The following PCDHA7 variants were observed in gnomAD, a reference collection of about 807,000 sequenced individuals.
The protein encoded by PCDHA7 is protocadherin alpha-7.
PCDHA7 carries 37 observed loss-of-function variants against 57.2 expected under a neutral mutation model. That is an observed-to-expected ratio of 0.65 (90% CI 0.50 to 0.85). The LOEUF (loss-of-function observed/expected upper bound fraction) is 0.85. Among genes scored for constraint, PCDHA7 ranks in the 40% least tolerant of loss-of-function variants. PCDHA7 has a pLI of 0.00. For missense variants in PCDHA7, 1,188 were observed against 1,241.8 expected (o/e 0.96, Z 0.65); for synonymous variants, 553 against 558.8 (o/e 0.99, Z 0.15).
At chr5:140,877,653 C>A in intron 1 of PCDHA7, 1 of 1,613,522 alleles carries the variant, frequency 6.2e-7, no homozygotes, top group Non-Finnish European at 8.5e-7. Flanking sequence ...CAGCGCCGCC[C>A]ACCGTGAGCC....
In PCDHA7 at chr5:140,851,944, C is replaced by G; in HGVS notation, c.2355+15206C>G. The G allele has an allele frequency of 1.7e-5, 16 of 969,410 alleles. 1 individual carries two copies. Among genetic ancestry groups the G allele is most frequent in the Non-Finnish European group, 2.0e-5 (16 of 802,504 alleles). The allele number at this position is 969,410 out of a possible 1,614,324, so 60.1% of individuals were successfully genotyped here. A position where few individuals can be genotyped will look rare whatever the true frequency, so the allele number is the denominator to read the frequency against. On this transcript the variant is annotated intron_variant, in intron 1 of 3. Transcript: ENST00000525929. ...ATGTTTCCTGAATTGTAGTATGTGA[C>G]TTTCAAAATGGTGGTTTTCCACACT...
chr5:141,002,039 C>G (rs1198304632), intron 3 of PCDHA7, among the ~76,000 whole-genome samples: 1 of 152,216 alleles, frequency 6.6e-6, no homozygotes, highest in Non-Finnish European at 1.5e-5. Flanking sequence ...TGACTCTTTC[C>G]TGGGCATCCA....
intron 1 of PCDHA7, chr5:140,863,340 G>T: frequency 7.4e-7 from 1 of 1,360,462 alleles, no homozygotes. Flanking sequence ...TCACGTTGCT[G>T]CTGTACACGA....
rs782301019 is a variant in PCDHA7 at position 140,876,753 on chromosome 5, G to T, written c.2355+40015G>T. On this transcript the variant is annotated intron_variant, in intron 1 of 3. Coordinates refer to ENST00000525929, the MANE Select transcript of PCDHA7 (RefSeq NM_018910.3). ...CGGCCTATGAGCTGGTGGTGACTGC[G>T]CGGGATGGGGGCTCGCCTTCGCTGT... is the stretch of plus-strand genomic sequence containing the variant. 1.1e-5 allele frequency: 17 copies of T among 1,614,128 alleles called. No homozygotes were observed. In the Admixed American group the frequency reaches 2.8e-4, roughly 27 times the overall value.
chr5:140,947,402 T>C (rs550043631), intron 1 of PCDHA7, among the ~76,000 whole-genome samples: 1 of 151,868 alleles, frequency 6.6e-6, no homozygotes, highest in East Asian at 1.9e-4. Context: ...AAGTAGACTG[T>C]CTTGATATTG....
rs782631166 is a variant in PCDHA7, at chr5:140,857,398, C to T, written c.2355+20660C>T. 1.3e-5 allele frequency: 21 copies of T among 1,598,542 alleles called. 2 individuals are homozygous for T. Among genetic ancestry groups the T allele is most frequent in the African/African-American group, 2.7e-5 (2 of 74,494 alleles). ...TGGAGGTGGCCGACGTGAACGACAA[C>T]GCGCCTGCGTTCGCGCAGTCCGAGT... On this transcript the variant is annotated intron_variant, in intron 1 of 3. Coordinates refer to ENST00000525929, the MANE Select transcript of PCDHA7 (RefSeq NM_018910.3).
chr5:140,970,854 T>TC (rs112843531), intron 1 of PCDHA7, among the ~76,000 whole-genome samples: 13,960 of 152,238 alleles, frequency 0.092, 852 homozygotes, highest in African/African-American at 0.17. Context: ...GCACAAAAGT[T>TC]CCATTCCTGA....
At chr5:140,889,946 C>T (rs1554184112) in intron 1 of PCDHA7, among the ~76,000 whole-genome samples, 1 of 152,114 alleles carries the variant, frequency 6.6e-6, no homozygotes, top group East Asian at 1.9e-4. Flanking sequence ...TGTGAGAAGC[C>T]AAATGGATAG....
At position 140,843,079 on chromosome 5, in the gene PCDHA7, C is replaced by T. The variant is rs2150351971; in HGVS notation, c.2355+6341C>T. On this transcript the variant is annotated intron_variant, in intron 1 of 3. Coordinates refer to ENST00000525929, the MANE Select transcript of PCDHA7 (RefSeq NM_018910.3). ...GCAAGCTGGTGCCGCGGTCTGTGGG[C>T]GCGGGCCACGTGGTAGCGAAGGTGC... The T allele has an allele frequency of 6.3e-6, 10 of 1,595,344 alleles. 2 individuals carry two copies. The highest frequency in any genetic ancestry group is 2.2e-5 in the East Asian group (1 of 44,804).
At chr5:140,982,217 C>A in intron 2 of PCDHA7, 1 of 507,664 alleles carries the variant, frequency 2.0e-6, no homozygotes, top group Non-Finnish European at 3.1e-6. Flanking sequence ...CGCCACATGG[C>A]GTTAATAAAA....
chr5:141,007,654 C>G (rs1461130528), intron 3 of PCDHA7, among the ~76,000 whole-genome samples: 1 of 152,052 alleles, frequency 6.6e-6, no homozygotes, highest in Non-Finnish European at 1.5e-5. Flanking sequence ...CCTAAAAAAC[C>G]ATAAATTTAC....
chr5:140,875,989 A>G (rs782628581), intron 1 of PCDHA7: 1 of 1,613,992 alleles, frequency 6.2e-7, no homozygotes, highest in South Asian at 1.1e-5. Flanking sequence ...CTATGCGTTA[A>G]GTCTAAATGA....
intron 1 of PCDHA7, among the ~76,000 whole-genome samples, chr5:140,937,334 G>T (rs1459343291): frequency 3.3e-5 from 5 of 152,092 alleles, no homozygotes; most frequent in African/African-American, 1.2e-4. Flanking sequence ...ACCGCGCCCG[G>T]CTTCTTCCAT....
intron 1 of PCDHA7, chr5:140,862,465 G>A (rs1462351326): frequency 8.1e-6 from 3 of 371,280 alleles, no homozygotes; most frequent in Non-Finnish European, 1.6e-5. Flanking sequence ...GACCAAGAGA[G>A]CAAATCTATC....
At chr5:140,850,671 A>T in intron 1 of PCDHA7, 1 of 1,598,160 alleles carries the variant, frequency 6.3e-7, no homozygotes, top group Non-Finnish European at 8.6e-7. Context: ...GTGCTCGGCG[A>T]TGCCCACCGA....
chr5:141,009,471 G>A, intron 3 of PCDHA7, 156 bp from the exon 4 acceptor site: 1 of 961,136 alleles, frequency 1.0e-6, no homozygotes, highest in Non-Finnish European at 1.2e-6. Context: ...AAATAAATAA[G>A]TAAACACTTG....
rs781892888 is a variant in PCDHA7, at chr5:140,967,565, C to T, written c.2356-11384C>T. Reference sequence around the variant, plus strand: ...CCAGTCCACTTATCGCGTCCAGCTACGGGAGGACTCACCCCCAGGCACATT... The same window carrying T: ...CCAGTCCACTTATCGCGTCCAGCTATGGGAGGACTCACCCCCAGGCACATT... On this transcript the variant is annotated intron_variant, in intron 1 of 3. Transcript: ENST00000525929. The T allele has an allele frequency of 3.1e-6, 5 of 1,614,080 alleles. No individual in the cohort carries two copies. The highest frequency in any genetic ancestry group is 2.7e-5 in the African/African-American group (2 of 75,044).
At position 140,979,027 on chromosome 5, in the gene PCDHA7, T is replaced by C. The variant is rs782016038; in HGVS notation, c.2414+20T>C. ...GCACAGGTATGTATTTCCCTCCTCA[T>C]TCACTCAGAAGTAACCTTAACTTGG... On this transcript the variant is annotated intron_variant, in intron 2 of 3. Coordinates refer to ENST00000525929, the MANE Select transcript of PCDHA7 (RefSeq NM_018910.3). The C allele has an allele frequency of 3.5e-5, 57 of 1,613,492 alleles. No homozygotes were observed. Among genetic ancestry groups the C allele is most frequent in the Non-Finnish European group, 4.4e-5 (52 of 1,179,754 alleles).
intron 1 of PCDHA7, among the ~76,000 whole-genome samples, chr5:140,880,783 G>A (rs1296382612): frequency 6.6e-6 from 1 of 152,154 alleles, no homozygotes; most frequent in Non-Finnish European, 1.5e-5. Flanking sequence ...GAATGTTAGA[G>A]GAGTAATATA....
Sources: allele counts gnomAD v4.1 joint callset (sites outside exome capture counted in the v4.1 genomes callset), GRCh38; gene constraint gnomAD v4.1.1; transcripts MANE v1.5; gene names NCBI Gene and HGNC (gene_info 2026-07-23, HGNC 2026-07-21).